USP25: variants seen among roughly 807,000 people sequenced by gnomAD.
The protein encoded by USP25 is ubiquitin specific peptidase 25, also known as ubiquitin carboxyl-terminal hydrolase 25.
In USP25, 85 loss-of-function variants were observed where a neutral mutation model predicts 158.5. The ratio of observed to expected loss-of-function variants is 0.54; its 90% CI spans 0.45 to 0.64. The LOEUF is 0.64. Ranked by LOEUF, USP25 falls within the 30% of genes least tolerant of loss-of-function variation. USP25 has a pLI of 0.00. For synonymous variants in USP25, 464 were observed against 460.4 expected (o/e 1.01, Z -0.10); for missense variants, 1,242 against 1,327.3 (o/e 0.94, Z 1.00).
rs147569537 is a variant in USP25 at position 15,791,554 on chromosome 21, A to G, written c.445A>G (p.Thr149Ala). Residue 149 changes from threonine (T) to alanine (A), a missense_variant, in exon 5 of 26, where the codon ACA becomes GCA. Physicochemically the swap from Thr to Ala is moderately conservative, Grantham distance 58 (BLOSUM62 0). Around this residue, in one of 3 missense-constraint regions of USP25, gnomAD observed 627 missense variants for 701.4 expected, o/e 0.89. Coordinates refer to ENST00000400183, the MANE Select transcript of USP25 (RefSeq NM_001283041.3). ...TAAAGCATGTTTGAAGAGGACACCT[A>G]CAGAAGTTTGGAGGGATTCTCGAAA... ...ENKACLKRTP[T>A]EVWRDSRNPY... The G allele has an allele frequency of 1.9e-5, 31 of 1,611,534 alleles. No homozygotes were observed. Among genetic ancestry groups the G allele is most frequent in the South Asian group, 1.6e-4 (15 of 90,920 alleles).
intron 4 of USP25, among the ~76,000 whole-genome samples, chr21:15,789,789 A>G (rs1470104876): frequency 1.3e-5 from 2 of 152,100 alleles, no homozygotes; most frequent in African/African-American, 4.8e-5. Context: ...ATACATATAT[A>G]TTACAAAAGG....
intron 18 of USP25, among the ~76,000 whole-genome samples, chr21:15,844,663 A>G (rs2038495425): frequency 6.6e-6 from 1 of 152,154 alleles, no homozygotes; most frequent in Admixed American, 6.6e-5. Flanking sequence ...TTTAATTTTA[A>G]ATGGAATACT....
At chr21:15,845,840 T>G (rs898612924) in intron 18 of USP25, among the ~76,000 whole-genome samples, 18 of 151,952 alleles carry the variant, frequency 1.2e-4, no homozygotes, top group Admixed American at 3.9e-4. Context: ...AATCCTTAAT[T>G]AAATGTCATG....
At chr21:15,759,730 A>G (rs953849226) in intron 1 of USP25, among the ~76,000 whole-genome samples, 1 of 152,160 alleles carries the variant, frequency 6.6e-6, no homozygotes, top group East Asian at 1.9e-4. Flanking sequence ...GTTTATGTTA[A>G]TGCTGGAGAG....
intron 11 of USP25, among the ~76,000 whole-genome samples, chr21:15,824,540 GTCTT>G (rs1214924980): frequency 1.3e-5 from 2 of 151,754 alleles, no homozygotes; most frequent in East Asian, 1.9e-4. Context: ...CTGTCTTCCT[GTCTT>G]TCTGTCTTCC....
Position 15,824,045 on chromosome 21 carries a change from T to C in USP25, c.1087T>C (p.Phe363Leu). Reference protein sequence around the residue: ...NSGKSGQEHWFTELPPVLTFE... With the variant: ...NSGKSGQEHWLTELPPVLTFE... The stretch of plus-strand genomic sequence containing the variant: ...TTGTTTTATTTCCTTTCAGCATTGG[T>C]TTACTGAATTACCACCTGTGTTAAC... Residue 363 changes from phenylalanine (F) to leucine (L), a missense_variant, in exon 11 of 26, where the codon TTT becomes CTT. Around this residue, in one of 3 missense-constraint regions of USP25, gnomAD observed 627 missense variants for 701.4 expected, o/e 0.89. Transcript: ENST00000400183. 1.2e-6 allele frequency: 2 copies of C among 1,612,648 alleles called. No individual in the cohort carries two copies. The highest frequency in any genetic ancestry group is 8.5e-7 in the Non-Finnish European group (1 of 1,179,280).
chr21:15,823,394 A>G (rs1177535773), intron 10 of USP25, among the ~76,000 whole-genome samples: 2 of 152,070 alleles, frequency 1.3e-5, no homozygotes, highest in Non-Finnish European at 2.9e-5. Flanking sequence ...GGCTATACTC[A>G]TTATCAGAAT....
At chr21:15,852,139 T>A (rs185007433) in intron 20 of USP25, among the ~76,000 whole-genome samples, 1 of 152,268 alleles carries the variant, frequency 6.6e-6, no homozygotes, top group Admixed American at 6.5e-5. Flanking sequence ...TGAGTCGAAT[T>A]TGACGTTTTA....
At chr21:15,851,399 T>A (rs377765645) in intron 20 of USP25, among the ~76,000 whole-genome samples, 1 of 152,066 alleles carries the variant, frequency 6.6e-6, no homozygotes, top group Non-Finnish European at 1.5e-5. Context: ...ATTCACAGTT[T>A]ACACATTACC....
intron 22 of USP25, among the ~76,000 whole-genome samples, chr21:15,868,332 C>T (rs980891179): frequency 6.6e-6 from 1 of 152,122 alleles, no homozygotes; most frequent in Non-Finnish European, 1.5e-5. Context: ...CAAGTCAAGT[C>T]ATCTTTTAGC....
chr21:15,754,796 G>A (rs995276545), intron 1 of USP25, among the ~76,000 whole-genome samples: 2 of 152,118 alleles, frequency 1.3e-5, no homozygotes, highest in African/African-American at 4.8e-5. Flanking sequence ...TGAAAGATCC[G>A]GCTTACACAT....
At chr21:15,850,414 A>G (rs1210149411) in intron 20 of USP25, among the ~76,000 whole-genome samples, 3 of 152,078 alleles carry the variant, frequency 2.0e-5, no homozygotes, top group Non-Finnish European at 2.9e-5. Flanking sequence ...ACACGATTCC[A>G]TGATTTACCC....
At chr21:15,733,437 T>C (rs1192184091) in intron 1 of USP25, among the ~76,000 whole-genome samples, 1 of 152,072 alleles carries the variant, frequency 6.6e-6, no homozygotes, top group Non-Finnish European at 1.5e-5. Flanking sequence ...TTAAAAATTA[T>C]TGAGAAACAA....
chr21:15,864,568 G>T (rs556527477), intron 21 of USP25, 122 bp downstream of exon 21: 2 of 944,790 alleles, frequency 2.1e-6, no homozygotes, highest in Non-Finnish European at 3.0e-6. Flanking sequence ...TAATAAATAC[G>T]TAACAAAATT....
chr21:15,841,872 A>G (rs1181544134), intron 17 of USP25, among the ~76,000 whole-genome samples: 1 of 152,154 alleles, frequency 6.6e-6, no homozygotes, highest in African/African-American at 2.4e-5. Context: ...AAAGATGGAT[A>G]GGAGATATCG....
Position 15,730,216 on chromosome 21 carries a change from G to T in USP25, c.-178G>T. ...CCTCACAGTCGGCGTTTCGCCGCCT[G>T]CCCGCGGTGCCCGCGCACGCCGGCC... On this transcript the variant is annotated 5_prime_UTR_variant, in exon 1 of 26. Transcript: ENST00000400183. 1.6e-6 allele frequency: 1 copy of T among 621,440 alleles called. No homozygotes were observed. The highest frequency in any genetic ancestry group is 2.0e-6 in the Non-Finnish European group (1 of 498,906). 38.5% of individuals were successfully genotyped at this position (621,440 alleles called of 1,614,324 possible).
At chr21:15,778,409 T>G (rs1157589847) in intron 4 of USP25, among the ~76,000 whole-genome samples, 1 of 152,144 alleles carries the variant, frequency 6.6e-6, no homozygotes, top group Non-Finnish European at 1.5e-5. Flanking sequence ...CTATAGGGTT[T>G]CTGTTATAGC....
chr21:15,857,120 A>G (rs2039188086), intron 20 of USP25, among the ~76,000 whole-genome samples: 2 of 152,206 alleles, frequency 1.3e-5, no homozygotes, highest in Non-Finnish European at 1.5e-5. Context: ...GACCTCAGGC[A>G]ATTTATTAAA....
intron 1 of USP25, among the ~76,000 whole-genome samples, chr21:15,732,988 G>T (rs2031084611): frequency 6.6e-6 from 1 of 152,140 alleles, no homozygotes; most frequent in East Asian, 1.9e-4. Flanking sequence ...GCAGTTGGCA[G>T]CAGATGAGTT....
Sources: gnomAD v4.1 joint callset for allele counts (sites outside exome capture counted in the v4.1 genomes callset) on GRCh38, gnomAD v4.1.1 for gene constraint, gnomAD v4.1.1 regional missense constraint, MANE v1.5 for transcripts, NCBI Gene and HGNC (gene_info 2026-07-23, HGNC 2026-07-21) for gene names.